The following GABPB2 variants were observed in gnomAD, a reference collection of about 807,000 sequenced individuals.
The protein encoded by GABPB2 is GA-binding protein subunit beta-2.
Under a neutral mutation model 39.1 loss-of-function variants are expected in GABPB2, and 23 were observed. The observed-to-expected ratio is 0.59, with a 90% CI of 0.42 to 0.83. The LOEUF is 0.83. GABPB2 is among the 40% of genes least tolerant of loss of function. The pLI is 0.00. For missense variants in GABPB2, 467 were observed against 541.1 expected (o/e 0.86, Z 1.36); for synonymous variants, 184 against 199.3 (o/e 0.92, Z 0.65).
At chr1:151,080,689 A>G (rs917172855) in intron 1 of GABPB2, among the ~76,000 whole-genome samples, 8 of 150,204 alleles carry the variant, frequency 5.3e-5, no homozygotes, top group Non-Finnish European at 3.0e-5. Context: ...CTCTACTAAA[A>G]ATACAAGTAT....
intron 4 of GABPB2, among the ~76,000 whole-genome samples, chr1:151,095,316 C>A (rs979460647): frequency 2.6e-5 from 4 of 152,062 alleles, no homozygotes; most frequent in African/African-American, 9.7e-5. Context: ...GTGGCAGATG[C>A]TAAGCTTGAA....
chr1:151,090,539 A>G lies in GABPB2; in HGVS notation c.242A>G (p.Asp81Gly). The G allele has an allele frequency of 6.2e-7, 1 of 1,614,108 alleles. No homozygotes were observed. Among genetic ancestry groups the G allele is most frequent in the Non-Finnish European group, 8.5e-7 (1 of 1,179,996 alleles). ...DRTPLHMAAA[D>G]GHAHIVELLV... ...ACCCCCTTGCACATGGCTGCAGCCG[A>G]TGGACATGCGCACATCGTGGAACTG... is the stretch of plus-strand genomic sequence containing the variant. Residue 81 changes from aspartate (D) to glycine (G), a missense_variant, in exon 3 of 9, where the codon GAT becomes GGT. Coordinates refer to ENST00000368918, the MANE Select transcript of GABPB2 (RefSeq NM_144618.3).
chr1:151,088,124 T>A, intron 1 of GABPB2, 66 bp from the exon 2 acceptor site: 1 of 1,109,206 alleles, frequency 9.0e-7, no homozygotes, highest in Non-Finnish European at 1.4e-6. Flanking sequence ...TTCTAAAAAA[T>A]GTATTGGCGG....
rs757848066 is a variant in GABPB2, at chr1:151,107,213, G to A, written c.913G>A (p.Gly305Arg). Residue 305 changes from glycine to arginine, a missense_variant, in exon 7 of 9, where the codon GGA becomes AGA. Physicochemically the swap from Gly to Arg is moderately radical, Grantham distance 125 (BLOSUM62 -2). Coordinates refer to ENST00000368918, the MANE Select transcript of GABPB2 (RefSeq NM_144618.3). ...GCCATTTATTGTAACTGTGCAAGAT[G>A]GACAGCAAGGTGAGTTATCTCTTGT... is the stretch of plus-strand genomic sequence containing the variant. ...GQPFIVTVQD[G>R]QQVLTVPAGK... The A allele has an allele frequency of 1.3e-6, 2 of 1,574,304 alleles. No individual in the cohort carries two copies. Among genetic ancestry groups the A allele is most frequent in the Non-Finnish European group, 1.7e-6 (2 of 1,162,310 alleles).
chr1:151,118,368 A>G lies in GABPB2; in HGVS notation c.*112A>G, dbSNP rs1315778645. 4.8e-6 allele frequency: 5 copies of G among 1,033,832 alleles called. No individual in the cohort carries two copies. The highest frequency in any genetic ancestry group is 2.8e-5 in the Admixed American group (1 of 35,236). 64.0% of individuals were successfully genotyped at this position (1,033,832 alleles called of 1,614,324 possible). A position where few individuals can be genotyped will look rare whatever the true frequency, so the allele number is the denominator to read the frequency against. On this transcript the variant is annotated 3_prime_UTR_variant, in exon 9 of 9. Coordinates refer to ENST00000368918, the MANE Select transcript of GABPB2 (RefSeq NM_144618.3). ...TAAGAGTGTCTTTAAGAAGAAAACT[A>G]TAGCAGGGTACAATGCTTGGGCTCA...
chr1:151,085,744 G>A (rs1038904586), intron 1 of GABPB2, among the ~76,000 whole-genome samples: 7 of 152,116 alleles, frequency 4.6e-5, no homozygotes, highest in Admixed American at 6.6e-5. Context: ...GAGCCACTGC[G>A]CCTGGCCAAA....
intron 1 of GABPB2, among the ~76,000 whole-genome samples, chr1:151,075,008 G>A (rs1348230857): frequency 6.6e-6 from 1 of 152,060 alleles, no homozygotes; most frequent in African/African-American, 2.4e-5. Flanking sequence ...AGGCAGTAGT[G>A]GCACACGCCT....
intron 7 of GABPB2, 90 bp downstream of exon 7, chr1:151,107,312 G>T: frequency 1.2e-6 from 1 of 821,994 alleles, no homozygotes. Flanking sequence ...ACAAATAGTG[G>T]AAGTGGGAGA....
chr1:151,088,337 A>G (rs767457582), intron 2 of GABPB2, 40 bp downstream of exon 2: 62 of 1,520,332 alleles, frequency 4.1e-5, no homozygotes, highest in Non-Finnish European at 5.0e-5. Flanking sequence ...TTTCCAATGT[A>G]TGCTTTTACC....
At chr1:151,088,615 A>C (rs777813936) in intron 2 of GABPB2, 1 of 335,150 alleles carries the variant, frequency 3.0e-6, no homozygotes, top group Non-Finnish European at 5.5e-6. Flanking sequence ...TTCTGTAATT[A>C]GCTAGAAATT....
At chr1:151,100,184 G>T (rs1353170008) in intron 5 of GABPB2, among the ~76,000 whole-genome samples, 4 of 143,378 alleles carry the variant, frequency 2.8e-5, no homozygotes, top group African/African-American at 1.0e-4. Context: ...TCGCTCTGTC[G>T]CCCAGGCTGG....
chr1:151,109,837 T>A (rs995724248), intron 7 of GABPB2, among the ~76,000 whole-genome samples: 84 of 151,076 alleles, frequency 5.6e-4, no homozygotes, highest in Admixed American at 4.6e-4. Context: ...ACCTGGCTAA[T>A]TTTTTTATTT....
At position 151,088,239 on chromosome 1, in the gene GABPB2, G is replaced by A. The variant is rs1678367463; in HGVS notation, c.50G>A (p.Gly17Asp). The A allele has an allele frequency of 1.9e-6, 3 of 1,614,050 alleles. No homozygotes were observed. The highest frequency in any genetic ancestry group is 1.7e-6 in the Non-Finnish European group (2 of 1,179,980). ...AGGTTGCTAGAAGCAGCAAGAAAAG[G>A]CCAAGATGATGAAGTGAGAACGTTG... is the stretch of plus-strand genomic sequence containing the variant. ...GKRLLEAARK[G>D]QDDEVRTLMA... Residue 17 changes from glycine (G) to aspartate (D), a missense_variant, in exon 2 of 9, where the codon GGC (glycine) becomes GAC (aspartate). By Grantham distance (94) the Gly-to-Asp change is moderately conservative. Coordinates refer to ENST00000368918, the MANE Select transcript of GABPB2 (RefSeq NM_144618.3).
intron 3 of GABPB2, 70 bp downstream of exon 3, chr1:151,090,643 G>T (rs1395034300): frequency 1.4e-6 from 2 of 1,432,280 alleles, no homozygotes; most frequent in Non-Finnish European, 9.7e-7. Context: ...TTACTTAAAT[G>T]GGTACTAGGA....
chr1:151,074,790 C>T (rs1022586443), intron 1 of GABPB2, among the ~76,000 whole-genome samples: 10 of 152,010 alleles, frequency 6.6e-5, no homozygotes, highest in African/African-American at 2.4e-4. Flanking sequence ...TTTACTATGG[C>T]CTGTTTTATC....
rs1681130615 is a variant in GABPB2 at position 151,120,143 on chromosome 1, A to C, written c.*1887A>C. On this transcript the variant is annotated 3_prime_UTR_variant, in exon 9 of 9. Coordinates refer to ENST00000368918, the MANE Select transcript of GABPB2 (RefSeq NM_144618.3). ...GGGTGGATCATGAGGTCAGGAGTTC[A>C]AGACCAGCCTGGCCGAGATGGTGAA... 1 of 151,790 alleles carries C rather than the reference A, an allele frequency of 6.6e-6. No homozygotes were observed. The highest frequency in any genetic ancestry group is 6.6e-5 in the Admixed American group (1 of 15,188). The allele number at this position is 151,790 out of a possible 1,614,324, so 9.4% of individuals were successfully genotyped here. A position where few individuals can be genotyped will look rare whatever the true frequency, so the allele number is the denominator to read the frequency against.
chr1:151,073,551 C>T (rs892830758), intron 1 of GABPB2, among the ~76,000 whole-genome samples: 36 of 152,104 alleles, frequency 2.4e-4, no homozygotes, highest in Non-Finnish European at 2.5e-4. Flanking sequence ...CATATAGTTC[C>T]CCTCAAAATG....
chr1:151,082,761 A>G (rs1016375674), intron 1 of GABPB2, among the ~76,000 whole-genome samples: 8 of 151,974 alleles, frequency 5.3e-5, no homozygotes, highest in African/African-American at 1.9e-4. Context: ...GGATTGCTTG[A>G]GGCCAGGAGT....
At chr1:151,108,248 C>G (rs971630810) in intron 7 of GABPB2, among the ~76,000 whole-genome samples, 6 of 152,310 alleles carry the variant, frequency 3.9e-5, no homozygotes, top group Admixed American at 3.3e-4. Flanking sequence ...TGGCTCACTG[C>G]AACCTCCAGC....
Sources: allele counts gnomAD v4.1 joint callset (sites outside exome capture counted in the v4.1 genomes callset), GRCh38; gene constraint gnomAD v4.1.1; transcripts MANE v1.5; gene names NCBI Gene and HGNC (gene_info 2026-07-23, HGNC 2026-07-21).